Variants in TPTE observed in about 807,000 individuals in gnomAD.
TPTE encodes putative tyrosine-protein phosphatase TPTE.
Under a neutral mutation model 84.1 loss-of-function variants are expected in TPTE, and 59 were observed. The observed-to-expected ratio is 0.70, with a 90% CI of 0.57 to 0.87. The LOEUF (loss-of-function observed/expected upper bound fraction) is 0.87. Among genes scored for constraint, TPTE ranks in the 40% least tolerant of loss-of-function variants. TPTE has a pLI of 0.00. For missense variants in TPTE, 382 were observed against 659.6 expected (o/e 0.58, Z 4.61); for synonymous variants, 130 against 223.5 (o/e 0.58, Z 3.73).
intron 11 of TPTE, among the ~76,000 whole-genome samples, chr21:10,568,558 A>G (rs2074973187): frequency 6.6e-6 from 1 of 152,310 alleles, no homozygotes; most frequent in African/African-American, 2.4e-5. Context: ...TGGGTCAAAT[A>G]GCTGATTTCT....
At chr21:10,553,898 CA>C (rs1217146566) in intron 8 of TPTE, among the ~76,000 whole-genome samples, 1 of 152,304 alleles carries the variant, frequency 6.6e-6, no homozygotes, top group Non-Finnish European at 1.5e-5. Context: ...AAATAACATG[CA>C]AAAATACTTT....
intron 6 of TPTE, 41 bp downstream of exon 6, chr21:10,542,489 T>A: frequency 3.7e-6 from 6 of 1,605,156 alleles, no homozygotes; most frequent in Non-Finnish European, 5.1e-6. Context: ...AGCATAAGTG[T>A]GCATAGAACT....
intron 17 of TPTE, among the ~76,000 whole-genome samples, chr21:10,589,222 G>C (rs1426451712): frequency 6.6e-6 from 1 of 152,278 alleles, no homozygotes; most frequent in Non-Finnish European, 1.5e-5. Context: ...TCTCCCTAGA[G>C]GGTGTGACTG....
intron 14 of TPTE, chr21:10,576,717 G>GT (rs1330925556): frequency 6.6e-6 from 1 of 152,298 alleles, no homozygotes; most frequent in Non-Finnish European, 1.5e-5. Flanking sequence ...AGATATATAC[G>GT]TATGTGTGTG....
At chr21:10,592,942 C>T (rs1177095388) in intron 19 of TPTE, among the ~76,000 whole-genome samples, 1 of 152,308 alleles carries the variant, frequency 6.6e-6, no homozygotes, top group Non-Finnish European at 1.5e-5. Flanking sequence ...TTTTACATAT[C>T]TCATTTAATA....
chr21:10,572,183 C>G (rs955178208), intron 14 of TPTE, among the ~76,000 whole-genome samples: 2 of 152,294 alleles, frequency 1.3e-5, no homozygotes, highest in African/African-American at 4.8e-5. Flanking sequence ...GGTGCGGTGT[C>G]TCACACCTGT....
chr21:10,552,523 T>C lies in TPTE; in HGVS notation c.174-134T>C, dbSNP rs2074596061. The C allele has an allele frequency of 2.8e-6, 4 of 1,422,984 alleles. No individual in the cohort carries two copies. In the South Asian group the frequency reaches 5.5e-5, roughly 20 times the overall value. The allele number at this position is 1,422,984 out of a possible 1,614,324, so 88.1% of individuals were successfully genotyped here. On this transcript the variant is annotated intron_variant, in intron 7 of 23. Transcript: ENST00000618007. ...AATTTTCTCTCTTAAATATTAGGTCTTCCAGTGAGCTAAGTCATGTTTACT... is the reference window on the plus strand; with the variant it reads ...AATTTTCTCTCTTAAATATTAGGTCCTCCAGTGAGCTAAGTCATGTTTACT...
chr21:10,564,636 G>A (rs1442667982), intron 10 of TPTE, among the ~76,000 whole-genome samples: 1 of 152,312 alleles, frequency 6.6e-6, no homozygotes, highest in African/African-American at 2.4e-5. Context: ...AACAATATAT[G>A]GGAAAGATCA....
chr21:10,596,526 AT>A (rs1203207024), intron 20 of TPTE, among the ~76,000 whole-genome samples: 2 of 151,272 alleles, frequency 1.3e-5, no homozygotes, highest in African/African-American at 4.9e-5. Context: ...TTTTAGAGGC[AT>A]TTTTTTTCTC....
At chr21:10,545,674 T>G (rs1377269568) in intron 7 of TPTE, among the ~76,000 whole-genome samples, 1 of 152,208 alleles carries the variant, frequency 6.6e-6, no homozygotes, top group Non-Finnish European at 1.5e-5. Context: ...TGTATATGTG[T>G]GTGTGTGTAT....
chr21:10,590,569 G>T, intron 18 of TPTE, 46 bp downstream of exon 18: 1 of 1,612,158 alleles, frequency 6.2e-7, no homozygotes, highest in African/African-American at 1.3e-5. Context: ...GATTGAGTTT[G>T]CTAGTTCTGA....
At chr21:10,535,060 CTGTT>C (rs1367496273) in intron 3 of TPTE, among the ~76,000 whole-genome samples, 2 of 152,306 alleles carry the variant, frequency 1.3e-5, no homozygotes, top group Non-Finnish European at 1.5e-5. Flanking sequence ...AAGGAAGAAT[CTGTT>C]TGATACCTCT....
intron 15 of TPTE, among the ~76,000 whole-genome samples, chr21:10,577,928 C>A (rs2075192126): frequency 6.6e-6 from 1 of 152,308 alleles, no homozygotes; most frequent in Non-Finnish European, 1.5e-5. Flanking sequence ...AAGCAAAAAA[C>A]TGTAGAAAAT....
At chr21:10,565,712 C>A (rs1402333373) in intron 10 of TPTE, among the ~76,000 whole-genome samples, 9 of 152,424 alleles carry the variant, frequency 5.9e-5, no homozygotes, top group African/African-American at 1.7e-4. Context: ...CACACACTTA[C>A]AGTGAACTCA....
chr21:10,529,880 A>AATGCAT (rs1183139080), intron 3 of TPTE, among the ~76,000 whole-genome samples: 1 of 152,308 alleles, frequency 6.6e-6, no homozygotes, highest in African/African-American at 2.4e-5. Context: ...TTTTTATGTG[A>AATGCAT]ATCAGTTGTA....
intron 18 of TPTE, among the ~76,000 whole-genome samples, chr21:10,591,681 A>G (rs2075479554): frequency 6.6e-6 from 1 of 152,312 alleles, no homozygotes; most frequent in Non-Finnish European, 1.5e-5. Context: ...TGCTTCTTCT[A>G]ACTGGCTGCA....
chr21:10,540,968 C>G, intron 4 of TPTE, 144 bp from the exon 5 acceptor site: 1 of 1,280,116 alleles, frequency 7.8e-7, no homozygotes, highest in Non-Finnish European at 1.1e-6. Context: ...AAGACAAATG[C>G]CATCCCAGGT....
At position 10,545,669 on chromosome 21, in the gene TPTE, ATG is replaced by A. The variant is rs1357325034; in HGVS notation, c.173+2299_173+2300del. ...ACACACACATATAACACACATGTAT[ATG>A]TGTGTGTGTGTATATATACAGATAT... On this transcript the variant is annotated intron_variant, in intron 7 of 23. Transcript: ENST00000618007. Among the ~76,000 whole-genome samples the A allele has an allele frequency of 2.9e-4, 44 of 152,130 alleles. No individual in the cohort carries two copies. In the East Asian group the frequency reaches 3.3e-3, roughly 11 times the overall value.
chr21:10,557,688 G>A (rs1393634590), intron 8 of TPTE, among the ~76,000 whole-genome samples: 1 of 152,302 alleles, frequency 6.6e-6, no homozygotes, highest in Non-Finnish European at 1.5e-5. Flanking sequence ...GAAGGATTGG[G>A]GATTTCTTTT....
Sources: gnomAD v4.1 joint callset for allele counts (sites outside exome capture counted in the v4.1 genomes callset) on GRCh38, gnomAD v4.1.1 for gene constraint, MANE v1.5 for transcripts, NCBI Gene and HGNC (gene_info 2026-07-23, HGNC 2026-07-21) for gene names.